Variants in DAB1 observed in about 807,000 individuals in gnomAD.
The protein encoded by DAB1 is disabled homolog 1.
In DAB1, 15 loss-of-function variants were observed where a neutral mutation model predicts 64.6. The ratio of observed to expected loss-of-function variants is 0.23; its 90% CI spans 0.16 to 0.36. The LOEUF is 0.36. DAB1 is among the 10% of genes least tolerant of loss of function. The pLI is 1.00. For synonymous variants in DAB1, 235 were observed against 251.9 expected, an observed-to-expected ratio of 0.93 and a Z score of 0.64; for missense variants, 596 against 706.7, an observed-to-expected ratio of 0.84 and a Z score of 1.78.
At chr1:57,035,728 T>C (rs958540113) in intron 9 of DAB1, among the ~76,000 whole-genome samples, 1 of 151,962 alleles carries the variant, frequency 6.6e-6, no homozygotes, top group Non-Finnish European at 1.5e-5. Context: ...AATTGAGATG[T>C]GTGTGCAAAG....
chr1:57,230,090 A>G (rs1435444701), intron 2 of DAB1, among the ~76,000 whole-genome samples: 2 of 152,170 alleles, frequency 1.3e-5, no homozygotes, highest in African/African-American at 4.8e-5. Context: ...TCAGTTCTGA[A>G]CTCAATGAAC....
chr1:57,378,247 A>C (rs17423972), intron 1 of DAB1, among the ~76,000 whole-genome samples: 3,238 of 152,310 alleles, frequency 0.021, 52 homozygotes, highest in Middle Eastern at 0.058. Context: ...CCAAAGGGGC[A>C]CTGTCTCCAA....
At chr1:58,081,833 T>G (rs904174637) in intron 5 of DAB1, among the ~76,000 whole-genome samples, 8 of 152,208 alleles carry the variant, frequency 5.3e-5, no homozygotes, top group Admixed American at 5.2e-4. Context: ...CACTTGAATG[T>G]ACTTTCTTCT....
chr1:57,157,118 T>C (rs569295068), intron 2 of DAB1, among the ~76,000 whole-genome samples: 1 of 152,312 alleles, frequency 6.6e-6, no homozygotes, highest in South Asian at 2.1e-4. Context: ...AGACCATTAA[T>C]GGCCAAATAA....
chr1:57,823,909 C>G (rs1353784356), downstream of DAB1, among the ~76,000 whole-genome samples: 1 of 152,152 alleles, frequency 6.6e-6, no homozygotes, highest in Non-Finnish European at 1.5e-5. Context: ...TGGGATTTGA[C>G]CCTAGACCTG....
At chr1:57,038,579 G>T (rs144060598) in intron 9 of DAB1, among the ~76,000 whole-genome samples, 1 of 152,182 alleles carries the variant, frequency 6.6e-6, no homozygotes, top group Non-Finnish European at 1.5e-5. Flanking sequence ...CTCCAATTTG[G>T]GCCTCACTTT....
chr1:58,246,967 T>C (rs1487774924), intron 4 of DAB1, among the ~76,000 whole-genome samples: 2 of 151,952 alleles, frequency 1.3e-5, no homozygotes, highest in African/African-American at 4.8e-5. Flanking sequence ...GACGGCCAGA[T>C]GGTGAAAGGC....
intron 4 of DAB1, among the ~76,000 whole-genome samples, chr1:58,208,036 T>C (rs10889086): frequency 0.8 from 121,432 of 151,842 alleles, 49,204 homozygotes; most frequent in South Asian, 0.88. Context: ...GAGTGTAGAG[T>C]GAAAATGAGG....
intron 2 of DAB1, among the ~76,000 whole-genome samples, chr1:57,237,855 A>G (rs1166809354): frequency 1.3e-5 from 2 of 152,216 alleles, no homozygotes; most frequent in African/African-American, 4.8e-5. Flanking sequence ...AGGGATGATG[A>G]ATTACACATA....
chr1:57,837,286 G>A (rs1011632123), intron 1 of DAB1, among the ~76,000 whole-genome samples: 1 of 151,880 alleles, frequency 6.6e-6, no homozygotes, highest in African/African-American at 2.4e-5. Context: ...TTATTTCCTC[G>A]TTTCCTCAAA....
chr1:57,269,484 C>A (rs528771007), intron 2 of DAB1, among the ~76,000 whole-genome samples: 12 of 152,256 alleles, frequency 7.9e-5, no homozygotes, highest in African/African-American at 2.9e-4. Flanking sequence ...CTGTCACCCC[C>A]CTCCCTGGCC....
intron 9 of DAB1, chr1:57,033,403 T>A: frequency 6.2e-7 from 1 of 1,612,866 alleles, no homozygotes; most frequent in Middle Eastern, 1.6e-4. Flanking sequence ...GCCTCAAAAA[T>A]CTCATCAAAG....
At chr1:57,509,929 C>T (rs761374877) in intron 7 of DAB1, among the ~76,000 whole-genome samples, 10 of 152,166 alleles carry the variant, frequency 6.6e-5, no homozygotes, top group Non-Finnish European at 1.2e-4. Context: ...TGCAACTTTT[C>T]GGGCAAATTT....
At chr1:58,344,710 T>C (rs148267652) in intron 3 of DAB1, among the ~76,000 whole-genome samples, 163 of 152,258 alleles carry the variant, frequency 1.1e-3, no homozygotes, top group African/African-American at 3.5e-3. Context: ...GATGAAACTG[T>C]GTGTTGGTTT....
intron 4 of DAB1, among the ~76,000 whole-genome samples, chr1:58,183,420 C>T (rs2100787778): frequency 6.6e-6 from 1 of 151,146 alleles, no homozygotes; most frequent in South Asian, 2.1e-4. Context: ...CAAAGATCAA[C>T]AGGGATAGTG....
At chr1:58,473,971 G>T in intron 3 of DAB1, 3 of 1,273,084 alleles carry the variant, frequency 2.4e-6, no homozygotes, top group Non-Finnish European at 3.1e-6. Flanking sequence ...CGGACAAGCT[G>T]TCACATGCAC....
chr1:57,586,934 G>A (rs1446191324), intron 7 of DAB1, among the ~76,000 whole-genome samples: 1 of 152,052 alleles, frequency 6.6e-6, no homozygotes, highest in Non-Finnish European at 1.5e-5. Context: ...TCTGGCATGT[G>A]GTAAATTCTG....
intron 1 of DAB1, chr1:58,539,334 A>G (rs774097947): frequency 1.3e-6 from 1 of 777,158 alleles, no homozygotes; most frequent in Non-Finnish European, 2.2e-6. Flanking sequence ...AAAACTATAA[A>G]TATCTGTGGA....
At chr1:57,467,528 G>A (rs1338088406) in intron 7 of DAB1, among the ~76,000 whole-genome samples, 1 of 152,056 alleles carries the variant, frequency 6.6e-6, no homozygotes, top group African/African-American at 2.4e-5. Flanking sequence ...CACTACCTTA[G>A]GAATAATGGA....
Sources: allele counts gnomAD v4.1 joint callset (sites outside exome capture counted in the v4.1 genomes callset), GRCh38; gene constraint gnomAD v4.1.1; transcripts MANE v1.5; gene names NCBI Gene and HGNC (gene_info 2026-07-23, HGNC 2026-07-21).